Variants in SETD2 observed in about 807,000 individuals in gnomAD.
SETD2 encodes SET domain containing 2, histone lysine methyltransferase.
SETD2 carries 31 observed loss-of-function variants against 242.1 expected under a neutral mutation model. That is an observed-to-expected ratio of 0.13 (90% CI 0.10 to 0.17). The LOEUF is 0.17. Ranked by LOEUF, SETD2 falls within the 10% of genes least tolerant of loss-of-function variation. The pLI is 1.00. For synonymous variants in SETD2, 1,006 were observed against 1,066.5 expected, an observed-to-expected ratio of 0.94 and a Z score of 1.11; for missense variants, 2,481 against 3,046.3, an observed-to-expected ratio of 0.81 and a Z score of 4.37.
intron 15 of SETD2, among the ~76,000 whole-genome samples, chr3:47,049,593 C>T (rs1323531422): frequency 2.7e-5 from 4 of 146,358 alleles, no homozygotes; most frequent in African/African-American, 9.9e-5. Flanking sequence ...AGGATGGCCT[C>T]GATCTCCTGA....
intron 1 of SETD2, among the ~76,000 whole-genome samples, chr3:47,143,214 A>G (rs1311064704): frequency 6.6e-6 from 1 of 152,146 alleles, no homozygotes; most frequent in Admixed American, 6.6e-5. Flanking sequence ...CCACTGCTTG[A>G]GCCCAGGACG....
In SETD2 at chr3:47,017,143, G is replaced by A. The variant is rs1210400257; in HGVS notation, c.7645C>T (p.Gln2549Ter). 6.2e-7 allele frequency: 1 copy of A among 1,614,074 alleles called. No individual in the cohort carries two copies. Among genetic ancestry groups the A allele is most frequent in the Non-Finnish European group, 8.5e-7 (1 of 1,180,016 alleles). Residue 2549 changes from glutamine (Q) to a stop codon, truncating the protein, a stop_gained, in exon 21 of 21, where the codon CAG (glutamine) becomes TAG (stop). Coordinates refer to ENST00000409792, the MANE Select transcript of SETD2 (RefSeq NM_014159.7). LOFTEE classifies it high-confidence loss of function. The surrounding 1 kb of genome is among the most constrained non-coding windows in gnomAD (Gnocchi z 4.8). ...KTKEYIKKYM[Q>*]KFGAVYKPKE... ...GGTTTGTAAACAGCCCCAAACTTCT[G>A]CATGTACTTCTTAATGTACTCCTTG...
chr3:47,107,730 TGGG>T (rs1217074463), intron 5 of SETD2, among the ~76,000 whole-genome samples: 1,188 of 28,892 alleles, frequency 0.041, 29 homozygotes, highest in African/African-American at 0.079. Context: ...CGGGGGGGGG[TGGG>T]GGGGGGGTGG....
At chr3:47,106,493 T>TAAAAAAAAAAAAAAAAAAAAAAAAAA (rs766455577) in intron 5 of SETD2, among the ~76,000 whole-genome samples, 1 of 57,260 alleles carries the variant, frequency 1.7e-5, no homozygotes, top group African/African-American at 6.7e-5. Flanking sequence ...ATTTTTGCTC[T>TAAAAAAAAAAAAAAAAAAAAAAAAAA]AAAAAAAAAA....
In SETD2 at chr3:47,022,145, T is replaced by A. The variant is rs535215226; in HGVS notation, c.7351-2305A>T. Among the ~76,000 whole-genome samples the A allele has an allele frequency of 2.0e-5, 3 of 150,164 alleles. No homozygotes were observed. The East Asian group carries it at 5.9e-4, about 30-fold the overall frequency. ...GGGAGAGGTGGAGGTTGCAGTGAGC[T>A]GAGATCATGCCATTGCACTCCAGCC... is the stretch of plus-strand genomic sequence containing the variant. On this transcript the variant is annotated intron_variant, in intron 18 of 20. Coordinates refer to ENST00000409792, the MANE Select transcript of SETD2 (RefSeq NM_014159.7).
intron 18 of SETD2, among the ~76,000 whole-genome samples, chr3:47,029,495 A>C (rs1484260989): frequency 4.0e-5 from 6 of 151,672 alleles, no homozygotes; most frequent in African/African-American, 7.3e-5. Flanking sequence ...AAAAAAAAAA[A>C]CAAAATAAAA....
chr3:47,078,016 A>G (rs1296368930), intron 12 of SETD2, among the ~76,000 whole-genome samples: 1 of 152,230 alleles, frequency 6.6e-6, no homozygotes, highest in African/African-American at 2.4e-5. Flanking sequence ...TTAAAAAAGA[A>G]TGTCCAATAA....
chr3:47,049,885 T>C (rs2039740181), intron 15 of SETD2, among the ~76,000 whole-genome samples: 1 of 127,010 alleles, frequency 7.9e-6, no homozygotes, highest in South Asian at 2.3e-4. Flanking sequence ...GTTTATAGTA[T>C]ATATTATATA....
At chr3:47,095,549 T>C (rs2041973705) in intron 9 of SETD2, among the ~76,000 whole-genome samples, 1 of 152,134 alleles carries the variant, frequency 6.6e-6, no homozygotes, top group Non-Finnish European at 1.5e-5. Flanking sequence ...AGCAATCTAA[T>C]GGAGTTTAAA....
rs572620438 is a variant in SETD2 at position 47,043,058 on chromosome 3, C to T, written c.7099-358G>A. 3.4e-4 allele frequency among the ~76,000 whole-genome samples: 50 copies of T among 146,234 alleles called. 1 individual carries two copies. The East Asian group carries it at 9.1e-3, about 27-fold the overall frequency. ...TTTAAAAAAAAAAAAAAAGAAAAAC[C>T]AAAAAACCCCCTGAGAAGCAAATAT... On this transcript the variant is annotated intron_variant, in intron 16 of 20. Transcript: ENST00000409792.
At chr3:47,073,825 T>C (rs952910536) in intron 12 of SETD2, among the ~76,000 whole-genome samples, 1 of 152,198 alleles carries the variant, frequency 6.6e-6, no homozygotes, top group African/African-American at 2.4e-5. Context: ...AAGATAAAAC[T>C]TGACAGTACT....
At chr3:47,058,943 C>T (rs567742764) in intron 14 of SETD2, among the ~76,000 whole-genome samples, 84 of 151,430 alleles carry the variant, frequency 5.5e-4, no homozygotes, top group African/African-American at 1.8e-3. Flanking sequence ...TATAGGTGCC[C>T]GCCACCATGC....
chr3:47,048,934 G>C (rs1270946534), intron 15 of SETD2, among the ~76,000 whole-genome samples: 1 of 151,978 alleles, frequency 6.6e-6, no homozygotes, highest in Non-Finnish European at 1.5e-5. Context: ...CCAAAGTGCT[G>C]GGATTACAGG....
At chr3:47,101,415 T>C in intron 8 of SETD2, 43 bp downstream of exon 8, 1 of 1,053,992 alleles carries the variant, frequency 9.5e-7, no homozygotes, top group Middle Eastern at 2.0e-4. Context: ...GAACAGCCTA[T>C]TTCCCCATCA....
At chr3:47,022,343 A>T (rs564229794) in intron 18 of SETD2, among the ~76,000 whole-genome samples, 36 of 151,876 alleles carry the variant, frequency 2.4e-4, no homozygotes, top group Admixed American at 9.2e-4. Context: ...TCTCTATAAA[A>T]AAACTGAAAA....
In SETD2 at chr3:47,122,967, A is replaced by C. The variant is rs745846357; in HGVS notation, c.1669T>G (p.Ser557Ala). ...TTGGGTATAGGTTTTGAAAGGGTAG[A>C]TTTATAACGGGAAGCACTACTGTCA... ...KHDSSASRYK[S>A]TLSKPIPKSD... is the part of the protein sequence containing the mutation. The change falls in exon 3 of 21, where the codon TCT becomes GCT. Residue 557 changes from serine to alanine, a missense_variant. Ser to Ala is a moderately conservative substitution (Grantham distance 99). Transcript: ENST00000409792. 2.5e-6 allele frequency: 4 copies of C among 1,613,986 alleles called. No individual in the cohort carries two copies. The highest frequency in any genetic ancestry group is 2.5e-6 in the Non-Finnish European group (3 of 1,179,874).
rs5848821 is a variant in SETD2 at position 47,102,772 on chromosome 3, CAAAAAAAA to C, written c.4917+566_4917+573del. Among the ~76,000 whole-genome samples the C allele has an allele frequency of 3.1e-5, 3 of 97,908 alleles. No homozygotes were observed. In the Admixed American group the frequency reaches 3.4e-4, roughly 11 times the overall value. 64.2% of individuals were successfully genotyped at this position (97,908 alleles called of 152,430 possible). ...TCATGTCACTGCGCTCCAGCCTGGG[CAAAAAAAA>C]AAAAAAAAAAAAGATACAATCCCTC... On this transcript the variant is annotated intron_variant, in intron 7 of 20. Coordinates refer to ENST00000409792, the MANE Select transcript of SETD2 (RefSeq NM_014159.7).
intron 16 of SETD2, among the ~76,000 whole-genome samples, chr3:47,044,154 A>G (rs1475528304): frequency 6.6e-6 from 1 of 151,902 alleles, no homozygotes; most frequent in Non-Finnish European, 1.5e-5. Flanking sequence ...CAGCCTGGCC[A>G]ACATAGTGAA....
chr3:47,161,911 T>TAA (rs774374329), intron 1 of SETD2, among the ~76,000 whole-genome samples: 2 of 120,044 alleles, frequency 1.7e-5, no homozygotes, highest in African/African-American at 3.1e-5. Context: ...ACCCTGCCTC[T>TAA]AAAAAAAAAA....
Sources: gnomAD v4.1 joint callset for allele counts (sites outside exome capture counted in the v4.1 genomes callset) on GRCh38, gnomAD v4.1.1 for gene constraint, Gnocchi (gnomAD v3.1) non-coding constraint, MANE v1.5 for transcripts, NCBI Gene and HGNC (gene_info 2026-07-23, HGNC 2026-07-21) for gene names.